SDK1: variants seen among roughly 807,000 people sequenced by gnomAD.
SDK1 encodes sidekick cell adhesion molecule 1, also known as protein sidekick-1.
In SDK1, 157 loss-of-function variants were observed where a neutral mutation model predicts 245.5. That is an observed-to-expected ratio of 0.64 (90% CI 0.56 to 0.73). The LOEUF (loss-of-function observed/expected upper bound fraction) is 0.73. Among genes scored for constraint, SDK1 ranks in the 30% least tolerant of loss-of-function variants. SDK1 has a pLI of 0.00. For synonymous variants in SDK1, 1,647 were observed against 1,278.5 expected (o/e 1.29, Z -6.15); for missense variants, 3,583 against 3,002.3 (o/e 1.19, Z -4.52).
At chr7:3,681,354 T>G (rs1784095377) in intron 4 of SDK1, among the ~76,000 whole-genome samples, 1 of 152,088 alleles carries the variant, frequency 6.6e-6, no homozygotes, top group East Asian at 1.9e-4. Context: ...CCCAGTGAGT[T>G]CATTCATTTT....
chr7:4,265,139 T>C lies in SDK1; in HGVS notation c.6397T>C (p.Tyr2133His). Residue 2133 changes from tyrosine to histidine, a missense_variant, in exon 45 of 45, where the codon TAC becomes CAC. Transcript: ENST00000404826. ...CTCCCCGCAGGCCACGGACTCTGAC[T>C]ACGAGGACGCGCTGCCCAAGCACTC... ...ASESEATDSDYEDALPKHSFV... is the reference protein window; with the variant it reads ...ASESEATDSDHEDALPKHSFV... 1 of 1,612,008 alleles carries C rather than the reference T, an allele frequency of 6.2e-7. No homozygotes were observed. Among genetic ancestry groups the C allele is most frequent in the Non-Finnish European group, 8.5e-7 (1 of 1,179,590 alleles).
intron 17 of SDK1, among the ~76,000 whole-genome samples, chr7:4,029,826 C>T (rs957441586): frequency 1.3e-5 from 2 of 152,068 alleles, no homozygotes; most frequent in Admixed American, 1.3e-4. Flanking sequence ...TCGATTCTGC[C>T]CCAGAATCAG....
chr7:3,477,189 C>CTTTTTTT lies in SDK1; in HGVS notation c.299-141873_299-141867dup, dbSNP rs35328849. ...TTCATTTTTGCTTTATGGTTTTCTC[C>CTTTTTTT]TTTTTTTTTTTTTTTTTTTTTTTTG... On this transcript the variant is annotated intron_variant, in intron 1 of 44. Transcript: ENST00000404826. 6.1e-4 allele frequency among the ~76,000 whole-genome samples: 48 copies of CTTTTTTT among 78,648 alleles called. 1 individual carries two copies. Among genetic ancestry groups the CTTTTTTT allele is most frequent in the African/African-American group, 9.1e-4 (18 of 19,758 alleles). The allele number at this position is 78,648 out of a possible 152,430, so 51.6% of individuals were successfully genotyped here. A position where few individuals can be genotyped will look rare whatever the true frequency, so the allele number is the denominator to read the frequency against.
chr7:3,403,564 C>A (rs1778946524), intron 1 of SDK1, among the ~76,000 whole-genome samples: 1 of 151,288 alleles, frequency 6.6e-6, no homozygotes, highest in Non-Finnish European at 1.5e-5. Flanking sequence ...TTATTTGCAC[C>A]TATGAGAAAG....
chr7:4,016,805 AC>A (rs2128151836), intron 16 of SDK1, among the ~76,000 whole-genome samples: 1 of 152,314 alleles, frequency 6.6e-6, no homozygotes, highest in East Asian at 1.9e-4. Context: ...TTTCAGACTC[AC>A]AAGAGGAAAG....
chr7:3,804,795 A>G (rs796073486), intron 4 of SDK1, among the ~76,000 whole-genome samples: 10 of 152,250 alleles, frequency 6.6e-5, no homozygotes, highest in African/African-American at 2.4e-4. Context: ...GTTCTCACCT[A>G]TTTCTGTTGA....
At chr7:4,161,674 G>A in intron 31 of SDK1, 112 bp from the exon 32 acceptor site, 1 of 807,944 alleles carries the variant, frequency 1.2e-6, no homozygotes, top group Non-Finnish European at 2.1e-6. Flanking sequence ...CCCTGGAGAA[G>A]GAAGGAGGCA....
intron 1 of SDK1, among the ~76,000 whole-genome samples, chr7:3,524,472 G>C (rs1298133621): frequency 6.6e-6 from 1 of 152,088 alleles, no homozygotes; most frequent in African/African-American, 2.4e-5. Flanking sequence ...TATAGGATTG[G>C]GGAATATATT....
chr7:3,384,246 A>G lies in SDK1; in HGVS notation c.298+82362A>G, dbSNP rs1019081850. Among the ~76,000 whole-genome samples, 173 of 152,260 alleles carry G rather than the reference A, an allele frequency of 1.1e-3. 2 individuals carry two copies. The highest frequency in any genetic ancestry group is 6.2e-4 in the South Asian group (3 of 4,812). ...ATTGATCTTCCAGTATTTTTTATGT[A>G]TACTTTTTAGTGCTTTATAGTTATT... On this transcript the variant is annotated intron_variant, in intron 1 of 44. Transcript: ENST00000404826.
chr7:3,895,357 C>T (rs1159405942), intron 5 of SDK1, among the ~76,000 whole-genome samples: 1 of 152,212 alleles, frequency 6.6e-6, no homozygotes, highest in Non-Finnish European at 1.5e-5. Context: ...ATTCCCTAGT[C>T]ACTTCCAGCC....
intron 35 of SDK1, chr7:4,179,183 C>G (rs1782441131): frequency 6.6e-6 from 1 of 152,492 alleles, no homozygotes; most frequent in South Asian, 2.1e-4. Context: ...GAGAGCAACG[C>G]CATTCCTTCG....
chr7:3,973,978 T>C (rs111846144), intron 12 of SDK1, among the ~76,000 whole-genome samples: 6 of 151,958 alleles, frequency 3.9e-5, no homozygotes, highest in African/African-American at 1.4e-4. Context: ...GGCTAGGAGT[T>C]TGAGACTAGC....
At chr7:3,433,368 T>G (rs1408197763) in intron 1 of SDK1, among the ~76,000 whole-genome samples, 5 of 152,202 alleles carry the variant, frequency 3.3e-5, no homozygotes, top group Non-Finnish European at 5.9e-5. Context: ...GGGGTTGAAG[T>G]TTTTATTTCC....
At chr7:3,532,185 C>G (rs1446125319) in intron 1 of SDK1, among the ~76,000 whole-genome samples, 4 of 152,290 alleles carry the variant, frequency 2.6e-5, no homozygotes, top group African/African-American at 9.6e-5. Flanking sequence ...TTTTCCACCT[C>G]CAGTACCTCT....
At chr7:3,439,102 C>G (rs1322626346) in intron 1 of SDK1, among the ~76,000 whole-genome samples, 7 of 152,130 alleles carry the variant, frequency 4.6e-5, no homozygotes, top group African/African-American at 1.7e-4. Context: ...ATCAGCCTGC[C>G]TCAGCCTCCC....
At chr7:4,119,405 C>T (rs1239434444) in intron 25 of SDK1, among the ~76,000 whole-genome samples, 4 of 148,390 alleles carry the variant, frequency 2.7e-5, no homozygotes, top group East Asian at 3.9e-4. Context: ...CCATGAACTA[C>T]GATCATACCC....
In SDK1 at chr7:4,267,033, G is replaced by C; in HGVS notation, c.*1649G>C. ...TGTTTTGTGCACCTCCATGGGCAGA[G>C]GGTGTGGATATTGCCTGGATTCTGT... is the stretch of plus-strand genomic sequence containing the variant. On this transcript the variant is annotated 3_prime_UTR_variant, in exon 45 of 45. Coordinates refer to ENST00000404826, the MANE Select transcript of SDK1 (RefSeq NM_152744.4). 11 of 985,598 alleles carry C rather than the reference G, an allele frequency of 1.1e-5. No individual in the cohort carries two copies. Among genetic ancestry groups the C allele is most frequent in the Non-Finnish European group, 1.3e-5 (11 of 830,030 alleles). The allele number at this position is 985,598 out of a possible 1,614,324, so 61.1% of individuals were successfully genotyped here.
At chr7:3,673,580 G>A (rs1783788586) in intron 4 of SDK1, among the ~76,000 whole-genome samples, 1 of 152,194 alleles carries the variant, frequency 6.6e-6, no homozygotes, top group South Asian at 2.1e-4. Context: ...ACTGTGAGAT[G>A]CCTTGGTATA....
At chr7:3,343,649 G>C (rs1269806202) in intron 1 of SDK1, among the ~76,000 whole-genome samples, 1 of 152,080 alleles carries the variant, frequency 6.6e-6, no homozygotes, top group Non-Finnish European at 1.5e-5. Flanking sequence ...TGGGAAACTT[G>C]GTCAAGGGTG....
Sources: gnomAD v4.1 joint callset for allele counts (sites outside exome capture counted in the v4.1 genomes callset) on GRCh38, gnomAD v4.1.1 for gene constraint, MANE v1.5 for transcripts, NCBI Gene and HGNC (gene_info 2026-07-23, HGNC 2026-07-21) for gene names.